The following UBN1 variants were observed in gnomAD, a reference collection of about 807,000 sequenced individuals.
UBN1 encodes ubinuclein 1.
In UBN1, 17 loss-of-function variants were observed where a neutral mutation model predicts 108.5. The ratio of observed to expected loss-of-function variants is 0.16; its 90% CI spans 0.11 to 0.24. The LOEUF (loss-of-function observed/expected upper bound fraction) is 0.24, where lower values mean the gene tolerates loss of function less well. Ranked by LOEUF, UBN1 falls within the 10% of genes least tolerant of loss-of-function variation. The pLI, the probability that UBN1 is intolerant of heterozygous loss-of-function variation, is 1.00. For missense variants in UBN1, 1,595 were observed against 1,394.4 expected (o/e 1.14, Z -2.29); for synonymous variants, 726 against 564.2 (o/e 1.29, Z -4.07).
In UBN1 at chr16:4,860,692, A is replaced by G. The variant is rs781443200; in HGVS notation, c.700A>G (p.Lys234Glu). The change falls in exon 7 of 18, where the codon AAG (lysine) becomes GAG (glutamate). Residue 234 changes from lysine to glutamate, a missense_variant. Physicochemically the swap from Lys to Glu is moderately conservative, Grantham distance 56. Coordinates refer to ENST00000262376, the MANE Select transcript of UBN1 (RefSeq NM_001079514.3). ...GFTALNASKE[K>E]KKKKYSGALS... ...CACAGCCCTCAATGCCAGTAAGGAG[A>G]AGAAGAAGAAGAAATATTCTGGGGC... 1.2e-5 allele frequency: 19 copies of G among 1,609,120 alleles called. No homozygotes were observed. The highest frequency in any genetic ancestry group is 1.4e-5 in the Non-Finnish European group (17 of 1,177,986).
intron 3 of UBN1, 52 bp downstream of exon 3, chr16:4,858,128 T>C (rs777510904): frequency 1.3e-5 from 16 of 1,194,248 alleles, no homozygotes; most frequent in Non-Finnish European, 1.9e-5. Flanking sequence ...GGGAGACGTT[T>C]CCACACTGTA....
At chr16:4,864,557 C>T (rs2087229096) in intron 7 of UBN1, among the ~76,000 whole-genome samples, 1 of 152,050 alleles carries the variant, frequency 6.6e-6, no homozygotes, top group South Asian at 2.1e-4. Flanking sequence ...CTTACCCTGC[C>T]CTCTGTTAAT....
rs375267519 is a variant in UBN1, at chr16:4,860,908, A to C, written c.916A>C (p.Thr306Pro). Residue 306 changes from threonine (T) to proline (P), a missense_variant, in exon 7 of 18, where the codon ACT becomes CCT. Physicochemically the swap from Thr to Pro is conservative, Grantham distance 38 (BLOSUM62 -1). Coordinates refer to ENST00000262376, the MANE Select transcript of UBN1 (RefSeq NM_001079514.3). ...TSDNDLLQAA[T>P]AMDSLTDLDL... ...TGACAACGACTTGCTCCAGGCGGCC[A>C]CTGCCATGGACTCGCTGACGGATTT... The C allele has an allele frequency of 6.1e-5, 98 of 1,614,134 alleles. No individual in the cohort carries two copies. The highest frequency in any genetic ancestry group is 8.1e-5 in the Non-Finnish European group (96 of 1,180,060).
rs185800803 is a variant in UBN1, at chr16:4,848,957, C to A, written c.-40+747C>A. Reference sequence around the variant, plus strand: ...ACTCTACTAAAAATACAAAATTAGCCGGGCGTGGTGGCGCATGCCTGTAGT... The same window carrying A: ...ACTCTACTAAAAATACAAAATTAGCAGGGCGTGGTGGCGCATGCCTGTAGT... On this transcript the variant is annotated intron_variant, in intron 1 of 17. Transcript: ENST00000262376. Among the ~76,000 whole-genome samples, 191 of 152,182 alleles carry A rather than the reference C, an allele frequency of 1.3e-3. 3 individuals are homozygous for A. The highest frequency in any genetic ancestry group is 0.011 in the Admixed American group (164 of 15,282).
intron 15 of UBN1, among the ~76,000 whole-genome samples, chr16:4,876,084 G>T (rs2087869750): frequency 6.6e-6 from 1 of 151,422 alleles, no homozygotes; most frequent in Admixed American, 6.6e-5. Context: ...TCAGCTTCTT[G>T]AGTAGCTGGG....
At chr16:4,878,425 C>A (rs1036039311) in intron 17 of UBN1, among the ~76,000 whole-genome samples, 1 of 152,186 alleles carries the variant, frequency 6.6e-6, no homozygotes, top group African/African-American at 2.4e-5. Context: ...TCCCAAGTTA[C>A]ATCTGCCTCA....
At chr16:4,854,816 C>T (rs1021090194) in intron 2 of UBN1, among the ~76,000 whole-genome samples, 18 of 151,740 alleles carry the variant, frequency 1.2e-4, no homozygotes, top group Admixed American at 1.3e-4. Flanking sequence ...TCCGCCTCCT[C>T]GGTTCATGCC....
At chr16:4,868,929 G>T in intron 8 of UBN1, 26 bp downstream of exon 8, 1 of 1,612,354 alleles carries the variant, frequency 6.2e-7, no homozygotes, top group Non-Finnish European at 8.5e-7. Flanking sequence ...CTGTCTGTCT[G>T]TCTGTCTGTT....
At chr16:4,879,518 C>A (rs930058484) in intron 17 of UBN1, among the ~76,000 whole-genome samples, 1 of 151,784 alleles carries the variant, frequency 6.6e-6, no homozygotes, top group Non-Finnish European at 1.5e-5. Flanking sequence ...AGCAACTATA[C>A]CAAAACAGGG....
intron 13 of UBN1, 25 bp downstream of exon 13, chr16:4,872,959 C>A (rs776008403): frequency 6.2e-7 from 1 of 1,614,226 alleles, no homozygotes; most frequent in Non-Finnish European, 8.5e-7. Context: ...ATTTTCACAT[C>A]TCGGGACAAG....
rs542377656 is a variant in UBN1, at chr16:4,880,180, C to G, written c.*48C>G. On this transcript the variant is annotated 3_prime_UTR_variant, in exon 18 of 18. Coordinates refer to ENST00000262376, the MANE Select transcript of UBN1 (RefSeq NM_001079514.3). ...CACTTGGGTCTGGGTGGAATCAGAA[C>G]GTGCAGGTCTCCCAGGATGTACACT... 16 of 1,593,968 alleles carry G rather than the reference C, an allele frequency of 1.0e-5. No individual in the cohort carries two copies. Among genetic ancestry groups the G allele is most frequent in the Non-Finnish European group, 1.4e-5 (16 of 1,162,008 alleles).
At chr16:4,870,421 G>T in intron 9 of UBN1, 80 bp downstream of exon 9, 1 of 1,609,348 alleles carries the variant, frequency 6.2e-7, no homozygotes, top group Non-Finnish European at 8.5e-7. Flanking sequence ...TGATGCGTCT[G>T]CTGCCCCACT....
intron 17 of UBN1, among the ~76,000 whole-genome samples, chr16:4,879,541 G>C (rs2088017016): frequency 6.6e-6 from 1 of 152,216 alleles, no homozygotes; most frequent in South Asian, 2.1e-4. Context: ...ATCCAAGTGA[G>C]CTTCTCTCAC....
At chr16:4,872,771 T>C in intron 12 of UBN1, 113 bp from the exon 13 acceptor site, 1 of 1,283,034 alleles carries the variant, frequency 7.8e-7, no homozygotes, top group Non-Finnish European at 1.1e-6. Flanking sequence ...GCCTGGCCAG[T>C]TGACATTTAA....
rs2087023275 is a variant in UBN1 at position 4,860,805 on chromosome 16, C to A, written c.813C>A (p.Val271=). 1.2e-6 allele frequency: 2 copies of A among 1,614,158 alleles called. No individual in the cohort carries two copies. Among genetic ancestry groups the A allele is most frequent in the African/African-American group, 1.3e-5 (1 of 74,952 alleles). The change falls in exon 7 of 18, where the codon GTC becomes GTA. Residue 271 remains valine (V), a synonymous_variant. Coordinates refer to ENST00000262376, the MANE Select transcript of UBN1 (RefSeq NM_001079514.3). ...AGGAGGAGCATAAGCCTGTTGCGGT[C>A]CCATCAGCGGAAGCTCAGGGCCTGC... ...KREEEHKPVA[V]PSAEAQGLRE... is the part of the protein sequence containing the mutation.
chr16:4,865,814 T>C (rs1272165304), intron 7 of UBN1, among the ~76,000 whole-genome samples: 2 of 151,952 alleles, frequency 1.3e-5, no homozygotes, highest in East Asian at 1.9e-4. Context: ...TACAAAAAAT[T>C]AGCCGAACAT....
At position 4,875,433 on chromosome 16, in the gene UBN1, CAGTG is replaced by C. The variant is rs1439342144; in HGVS notation, c.3024+3_3024+6del. 2.5e-6 allele frequency: 4 copies of C among 1,606,296 alleles called. No homozygotes were observed. The highest frequency in any genetic ancestry group is 1.3e-5 in the African/African-American group (1 of 74,822). ...AGTGTGACATCGTCTACCTCCTTGT[CAGTG>C]AGTATCTGTCATAGCAGCCTGCCCT... On this transcript the variant is annotated splice_donor_variant and splice_donor_region_variant and coding_sequence_variant and intron_variant, in exon 15 of 18. Transcript: ENST00000262376. LOFTEE classifies it high-confidence loss of function.
chr16:4,880,076 T>A lies in UBN1; in HGVS notation c.3356-7T>A. ...CTTGCGTTCTAATTTTTCTTACTCT[T>A]TTCCAGGTGCTTCTCAGCTTCACGG... On this transcript the variant is annotated splice_region_variant and splice_polypyrimidine_tract_variant and intron_variant, in intron 17 of 17. Transcript: ENST00000262376. 1.2e-6 allele frequency: 2 copies of A among 1,614,064 alleles called. No homozygotes were observed. Among genetic ancestry groups the A allele is most frequent in the Non-Finnish European group, 8.5e-7 (1 of 1,179,986 alleles).
rs757752330 is a variant in UBN1 at position 4,873,021 on chromosome 16, C to T, written c.1758-10C>T. On this transcript the variant is annotated splice_polypyrimidine_tract_variant and intron_variant, in intron 13 of 17. Coordinates refer to ENST00000262376, the MANE Select transcript of UBN1 (RefSeq NM_001079514.3). ...TCTCTAAACTTTTCTGTGCTCATTCCTTTGAACAGGGCCAAGAAGAAAGTT... is the reference window on the plus strand; with the variant it reads ...TCTCTAAACTTTTCTGTGCTCATTCTTTTGAACAGGGCCAAGAAGAAAGTT... 3.1e-6 allele frequency: 5 copies of T among 1,614,092 alleles called. No homozygotes were observed. The African/African-American group carries it at 5.3e-5, about 17-fold the overall frequency.
Sources: gnomAD v4.1 joint callset for allele counts (sites outside exome capture counted in the v4.1 genomes callset) on GRCh38, gnomAD v4.1.1 for gene constraint, MANE v1.5 for transcripts, NCBI Gene and HGNC (gene_info 2026-07-23, HGNC 2026-07-21) for gene names.